Variants in BPTF observed in about 807,000 individuals in gnomAD.
The protein encoded by BPTF is bromodomain PHD finger transcription factor.
BPTF carries 18 observed loss-of-function variants against 292.5 expected under a neutral mutation model. The ratio of observed to expected loss-of-function variants is 0.06; its 90% confidence interval spans 0.04 to 0.09. The LOEUF is 0.09. BPTF is among the 10% of genes least tolerant of loss of function. The pLI, the probability that BPTF is intolerant of heterozygous loss-of-function variation, is 1.00. For missense variants in BPTF, 2,726 were observed against 3,498.7 expected (o/e 0.78, Z 5.57); for synonymous variants, 1,225 against 1,251.9 (o/e 0.98, Z 0.45).
chr17:67,862,457 A>G (rs1026702203), intron 2 of BPTF, among the ~76,000 whole-genome samples: 4 of 152,126 alleles, frequency 2.6e-5, no homozygotes, highest in African/African-American at 7.2e-5. Flanking sequence ...TCAGATGGAG[A>G]GACTGAGGCA....
rs764425294 is a variant in BPTF at position 67,853,934 on chromosome 17, C to T, written c.614-6C>T. On this transcript the variant is annotated splice_region_variant and splice_polypyrimidine_tract_variant and intron_variant, in intron 1 of 27. Coordinates refer to ENST00000306378, the MANE Select transcript of BPTF (RefSeq NM_182641.4). ...ATTTGTAATGATGTCACGTCTTTAT[C>T]TACAGGTAGGCGAAAACCAAGAGTA... 7 of 1,601,306 alleles carry T rather than the reference C, an allele frequency of 4.4e-6. No individual in the cohort carries two copies. Among genetic ancestry groups the T allele is most frequent in the Non-Finnish European group, 6.0e-6 (7 of 1,171,416 alleles).
Position 67,955,060 on chromosome 17 carries a change from C to T in BPTF, c.7927-4481C>T, listed in dbSNP as rs184382277. Among the ~76,000 whole-genome samples the T allele has an allele frequency of 9.8e-3, 1,483 of 151,904 alleles. 15 individuals are homozygous for T. Among genetic ancestry groups the T allele is most frequent in the South Asian group, 0.05 (242 of 4,818 alleles). ...ATCCTAGCACTTTGGGAGGCCGAGG[C>T]GGGCGGATCACGAGGTCAGGAGATT... On this transcript the variant is annotated intron_variant, in intron 23 of 27. Coordinates refer to ENST00000306378, the MANE Select transcript of BPTF (RefSeq NM_182641.4).
In BPTF at chr17:67,939,710, TATTAAAACAA is replaced by T. The variant is rs540733507; in HGVS notation, c.6260-726_6260-717del. On this transcript the variant is annotated intron_variant, in intron 18 of 27. Coordinates refer to ENST00000306378, the MANE Select transcript of BPTF (RefSeq NM_182641.4). ...GACTAACATGGTGAAACCCCATCTC[TATTAAAACAA>T]ATACAAAAAATTAGTCGGGTGTGGT... Among the ~76,000 whole-genome samples, 4 of 152,302 alleles carry T rather than the reference TATTAAAACAA, an allele frequency of 2.6e-5. No individual in the cohort carries two copies. In the East Asian group the frequency reaches 7.7e-4, roughly 29 times the overall value.
At chr17:67,893,077 G>T in intron 5 of BPTF, 3 of 329,938 alleles carry the variant, frequency 9.1e-6, no homozygotes, top group Non-Finnish European at 1.1e-5. Context: ...TATATGTATG[G>T]TTTCATGGGT....
intron 23 of BPTF, among the ~76,000 whole-genome samples, chr17:67,953,466 C>A (rs1328080257): frequency 6.7e-6 from 1 of 149,820 alleles, no homozygotes; most frequent in African/African-American, 2.5e-5. Flanking sequence ...CCATGTTGGC[C>A]AGCCTGATTT....
Position 67,907,328 on chromosome 17 carries a change from T to C in BPTF, c.2813-2254T>C, listed in dbSNP as rs1219154344. On this transcript the variant is annotated intron_variant, in intron 9 of 27. Transcript: ENST00000306378. ...AAATACAAAGAGAATAATGAACTCA[T>C]TCAGCTTCAACAATTATCAAAGTTT... Among the ~76,000 whole-genome samples the C allele has an allele frequency of 2.0e-5, 3 of 151,086 alleles. No homozygotes were observed. The South Asian group carries it at 6.3e-4, about 32-fold the overall frequency.
intron 27 of BPTF, chr17:67,981,667 T>C: frequency 1.0e-6 from 1 of 994,912 alleles, no homozygotes; most frequent in Non-Finnish European, 1.2e-6. Context: ...TGTATTTATC[T>C]GCTATTTCAA....
Position 67,983,139 on chromosome 17 carries a change from A to T in BPTF, c.*851A>T, listed in dbSNP as rs2070598206. ...TATATGAAACAAAATAAATGGAGAT[A>T]ATTTTTCTCCCACAGACAGAGGTGT... On this transcript the variant is annotated 3_prime_UTR_variant, in exon 28 of 28. Transcript: ENST00000306378. The T allele has an allele frequency of 6.6e-6, 1 of 152,600 alleles. No individual in the cohort carries two copies. The highest frequency in any genetic ancestry group is 1.5e-5 in the Non-Finnish European group (1 of 68,042). The allele number at this position is 152,600 out of a possible 1,614,324, so 9.5% of individuals were successfully genotyped here.
intron 11 of BPTF, among the ~76,000 whole-genome samples, chr17:67,914,260 GAAAA>G (rs1037063086): frequency 6.6e-6 from 1 of 151,210 alleles, no homozygotes; most frequent in African/African-American, 2.4e-5. Flanking sequence ...CAATCAGCTA[GAAAA>G]AAAAGTAAGT....
chr17:67,953,769 G>A (rs1374765866), intron 23 of BPTF, among the ~76,000 whole-genome samples: 12 of 148,146 alleles, frequency 8.1e-5, no homozygotes, highest in African/African-American at 3.0e-4. Flanking sequence ...TCGGAGAGAT[G>A]GGGTTTCATC....
intron 1 of BPTF, among the ~76,000 whole-genome samples, chr17:67,843,098 CTA>C (rs943633767): frequency 8.7e-5 from 13 of 149,588 alleles, no homozygotes; most frequent in African/African-American, 3.2e-4. Context: ...ATACATATAT[CTA>C]TATATATGTA....
intron 23 of BPTF, among the ~76,000 whole-genome samples, chr17:67,951,921 G>A (rs2066401628): frequency 6.6e-6 from 1 of 151,718 alleles, no homozygotes; most frequent in African/African-American, 2.4e-5. Context: ...TGGGCATGGT[G>A]GCGCACAACT....
intron 4 of BPTF, chr17:67,875,549 G>A: frequency 6.7e-7 from 1 of 1,491,214 alleles, no homozygotes; most frequent in Non-Finnish European, 9.0e-7. Context: ...TGTGCATTTT[G>A]CTGTAGAGCC....
intron 24 of BPTF, among the ~76,000 whole-genome samples, chr17:67,962,422 C>T (rs1382768152): frequency 6.6e-6 from 1 of 152,178 alleles, no homozygotes; most frequent in East Asian, 1.9e-4. Context: ...GTTACATTTA[C>T]TTTTCCTTTT....
chr17:67,860,468 T>G (rs1399548510), intron 2 of BPTF, among the ~76,000 whole-genome samples: 7 of 152,204 alleles, frequency 4.6e-5, no homozygotes. Flanking sequence ...TTGTATAGAT[T>G]AGTGAAGCTT....
intron 27 of BPTF, 47 bp from the exon 28 acceptor site, chr17:67,982,205 C>G: frequency 6.4e-7 from 1 of 1,565,804 alleles, no homozygotes; most frequent in Non-Finnish European, 8.8e-7. Context: ...TCATTGTTTT[C>G]AAAAATGAAG....
At chr17:67,840,943 T>C (rs8082512) in intron 1 of BPTF, among the ~76,000 whole-genome samples, 30,996 of 152,144 alleles carry the variant, frequency 0.2, 3,972 homozygotes, top group East Asian at 0.66. Context: ...TGTACATATA[T>C]TTTCTCCCTG....
At chr17:67,974,913 G>A (rs1215581637) in intron 26 of BPTF, 2 of 152,182 alleles carry the variant, frequency 1.3e-5, no homozygotes, top group African/African-American at 4.8e-5. Flanking sequence ...TTGGTGATCA[G>A]CTTAACCTTC....
At chr17:67,880,506 G>C (rs1379992365) in intron 4 of BPTF, among the ~76,000 whole-genome samples, 4 of 152,108 alleles carry the variant, frequency 2.6e-5, no homozygotes, top group Non-Finnish European at 5.9e-5. Context: ...ACCACAAACT[G>C]TAATAGGTCA....
Sources: gnomAD v4.1 joint callset for allele counts (sites outside exome capture counted in the v4.1 genomes callset) on GRCh38, gnomAD v4.1.1 for gene constraint, MANE v1.5 for transcripts, NCBI Gene and HGNC (gene_info 2026-07-23, HGNC 2026-07-21) for gene names.